MAGI2: variants seen among roughly 807,000 people sequenced by gnomAD.
MAGI2 encodes membrane associated guanylate kinase, WW and PDZ domain containing 2.
A neutral mutation model predicts 133.3 loss-of-function variants in MAGI2; 35 were observed. That is an observed-to-expected ratio of 0.26 (90% CI 0.20 to 0.35). MAGI2 has a LOEUF of 0.35. MAGI2 is among the 10% of genes least tolerant of loss of function. MAGI2 has a pLI of 1.00. For synonymous variants in MAGI2, 729 were observed against 710.6 expected (o/e 1.03, Z -0.41); for missense variants, 1,636 against 1,863.4 (o/e 0.88, Z 2.25).
chr7:79,330,474 C>A (rs187107651), intron 1 of MAGI2, among the ~76,000 whole-genome samples: 2 of 152,188 alleles, frequency 1.3e-5, no homozygotes, highest in East Asian at 3.9e-4. Context: ...GGATTACAGG[C>A]ATGAGCCACT....
Position 78,070,168 on chromosome 7 carries a change from C to T in MAGI2, c.3706+8779G>A, listed in dbSNP as rs1273423722. Among the ~76,000 whole-genome samples the T allele has an allele frequency of 1.0e-4, 8 of 78,108 alleles. No homozygotes were observed. The East Asian group carries it at 2.9e-3, about 29-fold the overall frequency. 51.2% of individuals were successfully genotyped at this position (78,108 alleles called of 152,430 possible). A position where few individuals can be genotyped will look rare whatever the true frequency, so the allele number is the denominator to read the frequency against. ...ATATATACACACATATATATACACA[C>T]ACACACATATATATATATATATATA... On this transcript the variant is annotated intron_variant, in intron 21 of 21. Transcript: ENST00000354212.
intron 2 of MAGI2, among the ~76,000 whole-genome samples, chr7:78,997,096 G>A (rs1429271518): frequency 1.3e-5 from 2 of 152,168 alleles, no homozygotes; most frequent in African/African-American, 4.8e-5. Context: ...TGGAGGACAA[G>A]TTAAAAAGTT....
chr7:78,137,731 C>T (rs548627785), intron 16 of MAGI2, among the ~76,000 whole-genome samples: 1 of 152,276 alleles, frequency 6.6e-6, no homozygotes, highest in South Asian at 2.1e-4. Context: ...GACGATGTTG[C>T]AGGTCTCTGT....
At chr7:78,871,800 T>C (rs1795048225) in intron 2 of MAGI2, among the ~76,000 whole-genome samples, 1 of 151,764 alleles carries the variant, frequency 6.6e-6, no homozygotes, top group South Asian at 2.1e-4. Context: ...TCTTTAAGAG[T>C]TTCATAATTA....
rs140366137 is a variant in MAGI2 at position 78,497,721 on chromosome 7, A to G, written c.965+3856T>C. Among the ~76,000 whole-genome samples the G allele has an allele frequency of 7.1e-4, 55 of 77,450 alleles. No homozygotes were observed. The East Asian group carries it at 0.019, about 27-fold the overall frequency. The allele number at this position is 77,450 out of a possible 152,430, so 50.8% of individuals were successfully genotyped here. A position where few individuals can be genotyped will look rare whatever the true frequency, so the allele number is the denominator to read the frequency against. On this transcript the variant is annotated intron_variant, in intron 5 of 21. Transcript: ENST00000354212. The stretch of plus-strand genomic sequence containing the variant: ...TCCTTTATGCTATTCAGAAATAACT[A>G]TTCTATCTATCTATCTATCTATCTA...
At chr7:78,413,733 T>C (rs1054061134) in intron 6 of MAGI2, among the ~76,000 whole-genome samples, 101 of 151,992 alleles carry the variant, frequency 6.6e-4, no homozygotes, top group African/African-American at 2.4e-3. Context: ...CGGGAGGCTC[T>C]TGGGCAATGG....
At chr7:78,316,344 T>C (rs1186443143) in intron 9 of MAGI2, among the ~76,000 whole-genome samples, 1 of 152,202 alleles carries the variant, frequency 6.6e-6, no homozygotes, top group East Asian at 1.9e-4. Context: ...ATACAGTGAG[T>C]TCCTGCCCTT....
chr7:79,416,823 C>T (rs1026157548), intron 1 of MAGI2, among the ~76,000 whole-genome samples: 14 of 150,044 alleles, frequency 9.3e-5, no homozygotes, highest in African/African-American at 3.0e-4. Flanking sequence ...CAACCTCCAC[C>T]TCCTATGTTC....
chr7:79,235,726 A>G (rs562627669), intron 1 of MAGI2, among the ~76,000 whole-genome samples: 7 of 152,298 alleles, frequency 4.6e-5, no homozygotes, highest in African/African-American at 9.6e-5. Context: ...CCAGTACCTC[A>G]GATGGAAATG....
chr7:78,604,491 C>T (rs546494376), intron 3 of MAGI2, among the ~76,000 whole-genome samples: 1 of 152,282 alleles, frequency 6.6e-6, no homozygotes, highest in South Asian at 2.1e-4. Flanking sequence ...GACAAATGTT[C>T]TAATGTAATA....
chr7:78,548,353 A>G (rs989702184), intron 3 of MAGI2, among the ~76,000 whole-genome samples: 6 of 152,318 alleles, frequency 3.9e-5, no homozygotes, highest in Admixed American at 2.0e-4. Flanking sequence ...ACAGAATAGG[A>G]TAAGTCTAAA....
intron 2 of MAGI2, among the ~76,000 whole-genome samples, chr7:78,930,742 A>G (rs1218416945): frequency 6.6e-6 from 1 of 152,036 alleles, no homozygotes; most frequent in Non-Finnish European, 1.5e-5. Context: ...TTCTCTCATG[A>G]TCTCTCAAGG....
chr7:78,666,049 G>C lies in MAGI2; in HGVS notation c.419-38810C>G, dbSNP rs1454947378. ...GCCAGTTTCCAACTGAAAACTGAAA[G>C]GTAGTCAATGGAACAGAGTGAGCTG... On this transcript the variant is annotated intron_variant, in intron 2 of 21. Coordinates refer to ENST00000354212, the MANE Select transcript of MAGI2 (RefSeq NM_012301.4). 2.6e-5 allele frequency among the ~76,000 whole-genome samples: 4 copies of C among 152,228 alleles called. No homozygotes were observed. In the East Asian group the frequency reaches 7.7e-4, roughly 29 times the overall value.
intron 3 of MAGI2, among the ~76,000 whole-genome samples, chr7:78,543,599 C>A (rs985689034): frequency 2.0e-5 from 3 of 152,228 alleles, no homozygotes; most frequent in African/African-American, 7.2e-5. Context: ...ATGATTACCT[C>A]ATAGGAGTGA....
chr7:79,448,569 T>C (rs1388904163), intron 1 of MAGI2, among the ~76,000 whole-genome samples: 2 of 152,080 alleles, frequency 1.3e-5, no homozygotes, highest in Admixed American at 1.3e-4. Context: ...CTTGTACATA[T>C]AGCTAGCACT....
At chr7:78,361,665 A>T (rs1384604201) in intron 7 of MAGI2, among the ~76,000 whole-genome samples, 5 of 152,236 alleles carry the variant, frequency 3.3e-5, no homozygotes, top group African/African-American at 1.2e-4. Flanking sequence ...AATTAAACCA[A>T]TTTAAACTTC....
chr7:78,287,732 G>C (rs150168321), intron 9 of MAGI2, among the ~76,000 whole-genome samples: 86 of 152,186 alleles, frequency 5.7e-4, no homozygotes, highest in African/African-American at 1.9e-3. Flanking sequence ...TCATATTTTA[G>C]GCTAGAATAG....
intron 1 of MAGI2, among the ~76,000 whole-genome samples, chr7:79,405,862 A>G (rs1304220010): frequency 6.6e-6 from 1 of 151,162 alleles, no homozygotes; most frequent in African/African-American, 2.4e-5. Flanking sequence ...TAAGAGACAC[A>G]TCATATTCCC....
chr7:79,052,514 G>A (rs963233752), intron 1 of MAGI2, among the ~76,000 whole-genome samples: 17 of 152,162 alleles, frequency 1.1e-4, no homozygotes, highest in African/African-American at 4.1e-4. Context: ...TGGGATGTTG[G>A]CATTGACTTG....
Sources: allele counts gnomAD v4.1 joint callset (sites outside exome capture counted in the v4.1 genomes callset), GRCh38; gene constraint gnomAD v4.1.1; transcripts MANE v1.5; gene names NCBI Gene and HGNC (gene_info 2026-07-23, HGNC 2026-07-21).